Variants in PTPRN2 observed in about 807,000 individuals in gnomAD.
PTPRN2 encodes receptor-type tyrosine-protein phosphatase N2.
PTPRN2 carries 74 observed loss-of-function variants against 118.8 expected under a neutral mutation model. That is an observed-to-expected ratio of 0.62 (90% CI 0.52 to 0.76). The LOEUF (loss-of-function observed/expected upper bound fraction) is 0.76, where lower values mean the gene tolerates loss of function less well. Ranked by LOEUF, PTPRN2 falls within the 30% of genes least tolerant of loss-of-function variation. PTPRN2 has a pLI of 0.00. For missense variants in PTPRN2, 1,481 were observed against 1,394.4 expected (o/e 1.06, Z -0.99); for synonymous variants, 641 against 608.0 (o/e 1.05, Z -0.80).
At chr7:158,375,090 G>C (rs1363228847) in intron 2 of PTPRN2, among the ~76,000 whole-genome samples, 1 of 152,148 alleles carries the variant, frequency 6.6e-6, no homozygotes, top group African/African-American at 2.4e-5. Flanking sequence ...TTTCATGGGG[G>C]AAACCAGCTC....
At chr7:158,398,968 A>ATT (rs574064918) in intron 2 of PTPRN2, among the ~76,000 whole-genome samples, 1 of 151,950 alleles carries the variant, frequency 6.6e-6, no homozygotes, top group African/African-American at 2.4e-5. Flanking sequence ...ACTAGTATTA[A>ATT]TTTTTTTTCT....
At position 158,205,132 on chromosome 7, in the gene PTPRN2, T is replaced by C. The variant is rs371491972; in HGVS notation, c.380+39A>G. On this transcript the variant is annotated intron_variant, in intron 4 of 22. Transcript: ENST00000389418. ...ATAAGTGTAATGGCTATGGACTGTGTCCTGGGAGCAAGGAGCAACAAGCCA... is the reference window on the plus strand; with the variant it reads ...ATAAGTGTAATGGCTATGGACTGTGCCCTGGGAGCAAGGAGCAACAAGCCA... The C allele has an allele frequency of 5.2e-4, 770 of 1,480,670 alleles. 1 individual carries two copies. The highest frequency in any genetic ancestry group is 6.9e-4 in the Non-Finnish European group (734 of 1,058,298). The allele number at this position is 1,480,670 out of a possible 1,614,324, so 91.7% of individuals were successfully genotyped here.
intron 11 of PTPRN2, among the ~76,000 whole-genome samples, chr7:157,948,755 G>A (rs1800633319): frequency 6.6e-6 from 1 of 152,198 alleles, no homozygotes; most frequent in Non-Finnish European, 1.5e-5. Flanking sequence ...AAATTTTTGA[G>A]TGCCTACATG....
chr7:158,470,313 C>A (rs1733140), intron 2 of PTPRN2, among the ~76,000 whole-genome samples: 3 of 152,026 alleles, frequency 2.0e-5, no homozygotes, highest in Non-Finnish European at 4.4e-5. Context: ...TGGGATAAAC[C>A]GCTTGTTGCT....
chr7:158,399,626 A>G (rs188430694), intron 2 of PTPRN2, among the ~76,000 whole-genome samples: 17 of 152,324 alleles, frequency 1.1e-4, no homozygotes, highest in Middle Eastern at 3.4e-3. Flanking sequence ...ACTGCACTGC[A>G]GCCTGGGTGA....
intron 13 of PTPRN2, among the ~76,000 whole-genome samples, chr7:157,661,155 G>A (rs1033940160): frequency 3.9e-5 from 6 of 152,264 alleles, no homozygotes; most frequent in Non-Finnish European, 7.3e-5. Flanking sequence ...GGAGACCCAG[G>A]GTTCGGTGCC....
At position 158,285,227 on chromosome 7, in the gene PTPRN2, A is replaced by G. The variant is rs1196568925; in HGVS notation, c.277+31592T>C. On this transcript the variant is annotated intron_variant, in intron 3 of 22. Coordinates refer to ENST00000389418, the MANE Select transcript of PTPRN2 (RefSeq NM_002847.5). ...TCCTGCCCAGAATGTGTGGGAAGAA[A>G]AGGGCACTCGCGGTCCCATGGGCCA... 2.0e-5 allele frequency among the ~76,000 whole-genome samples: 3 copies of G among 152,254 alleles called. No homozygotes were observed. In the East Asian group the frequency reaches 5.8e-4, roughly 29 times the overall value.
At chr7:158,539,863 G>T (rs908656477) in intron 1 of PTPRN2, 1 of 224,616 alleles carries the variant, frequency 4.5e-6, no homozygotes, top group Non-Finnish European at 8.8e-6. Context: ...AGCTGGTGAC[G>T]GCTGGAACCA....
chr7:157,684,366 G>T (rs1165378442), intron 12 of PTPRN2, among the ~76,000 whole-genome samples: 1 of 149,890 alleles, frequency 6.7e-6, no homozygotes, highest in African/African-American at 2.5e-5. Context: ...CTTTGGAGAG[G>T]GAGGGAAGGA....
rs969471858 is a variant in PTPRN2, at chr7:157,591,182, C to T, written c.2496+4056G>A. On this transcript the variant is annotated intron_variant, in intron 17 of 22. Coordinates refer to ENST00000389418, the MANE Select transcript of PTPRN2 (RefSeq NM_002847.5). This position sits in a 1 kb window ranked among gnomAD's most constrained non-coding sequence, Gnocchi z 4.4. The stretch of plus-strand genomic sequence containing the variant: ...GGAGGCAGAGATGAGGGGGACACTT[C>T]GAATCCCCCAAGGAGTGCACGGGCC... Among the ~76,000 whole-genome samples the T allele has an allele frequency of 5.9e-5, 9 of 152,128 alleles. No individual in the cohort carries two copies. The highest frequency in any genetic ancestry group is 2.2e-4 in the African/African-American group (9 of 41,406).
intron 2 of PTPRN2, among the ~76,000 whole-genome samples, chr7:158,367,232 A>G (rs3965381): frequency 0.96 from 146,774 of 152,328 alleles, 70,773 homozygotes; most frequent in African/African-American, 0.99. Flanking sequence ...ATTGGGAAGT[A>G]TGGCGGGGGC....
intron 2 of PTPRN2, among the ~76,000 whole-genome samples, chr7:158,467,203 T>C (rs1231895338): frequency 6.6e-6 from 1 of 152,222 alleles, no homozygotes; most frequent in Non-Finnish European, 1.5e-5. Flanking sequence ...GCCATCTGTA[T>C]GTCCTCTTTG....
Position 158,232,843 on chromosome 7 carries a change from T to C in PTPRN2, c.278-27570A>G, listed in dbSNP as rs187568665. 3.9e-5 allele frequency among the ~76,000 whole-genome samples: 6 copies of C among 152,300 alleles called. No homozygotes were observed. The South Asian group carries it at 6.2e-4, about 16-fold the overall frequency. ...GAACAAAACTACATGATCATTTCAATAGATGCTAAAAAAGCATTTGATAAA... is the reference window on the plus strand; with the variant it reads ...GAACAAAACTACATGATCATTTCAACAGATGCTAAAAAAGCATTTGATAAA... On this transcript the variant is annotated intron_variant, in intron 3 of 22. Transcript: ENST00000389418.
At chr7:158,369,577 T>C (rs529931730) in intron 2 of PTPRN2, among the ~76,000 whole-genome samples, 3 of 152,300 alleles carry the variant, frequency 2.0e-5, no homozygotes, top group African/African-American at 7.2e-5. Flanking sequence ...AAGGGGAATC[T>C]GCTCATTCAC....
intron 2 of PTPRN2, among the ~76,000 whole-genome samples, chr7:158,331,116 C>T (rs1586299259): frequency 6.8e-6 from 1 of 148,106 alleles, no homozygotes; most frequent in African/African-American, 2.5e-5. Flanking sequence ...CTCACACCCA[C>T]ACTCTCACCA....
At position 157,632,895 on chromosome 7, in the gene PTPRN2, G is replaced by A. The variant is rs1804048608; in HGVS notation, c.2197-11386C>T. 6.6e-6 allele frequency among the ~76,000 whole-genome samples: 1 copy of A among 152,164 alleles called. No homozygotes were observed. The highest frequency in any genetic ancestry group is 2.4e-5 in the African/African-American group (1 of 41,428). ...ATTAATATTTAAATTTAGGGCAAAAGAGGTCTGCTTGGCATTCTAAGTGAA... is the reference window on the plus strand; with the variant it reads ...ATTAATATTTAAATTTAGGGCAAAAAAGGTCTGCTTGGCATTCTAAGTGAA... On this transcript the variant is annotated intron_variant, in intron 14 of 22. Transcript: ENST00000389418. This position sits in a 1 kb window ranked among gnomAD's most constrained non-coding sequence, Gnocchi z 4.3.
At chr7:158,577,417 A>G (rs1311387844) in intron 1 of PTPRN2, among the ~76,000 whole-genome samples, 25 of 104,504 alleles carry the variant, frequency 2.4e-4, no homozygotes, top group East Asian at 6.6e-4. Flanking sequence ...GCCACAGACA[A>G]CATGGGGCCT....
chr7:158,128,011 ACCATCCTC>A (rs1351921088), intron 9 of PTPRN2, among the ~76,000 whole-genome samples: 4 of 152,150 alleles, frequency 2.6e-5, no homozygotes, highest in Admixed American at 6.5e-5. Flanking sequence ...GCCGAGCCCT[ACCATCCTC>A]CCATCTGAAC....
intron 2 of PTPRN2, among the ~76,000 whole-genome samples, chr7:158,480,038 G>A (rs1301718960): frequency 1.3e-5 from 2 of 152,206 alleles, no homozygotes; most frequent in African/African-American, 4.8e-5. Flanking sequence ...TGTTTCTGCA[G>A]CACAAATTGA....
Sources: gnomAD v4.1 joint callset for allele counts (sites outside exome capture counted in the v4.1 genomes callset) on GRCh38, gnomAD v4.1.1 for gene constraint, Gnocchi (gnomAD v3.1) non-coding constraint, MANE v1.5 for transcripts, NCBI Gene and HGNC (gene_info 2026-07-23, HGNC 2026-07-21) for gene names.